Variants in FAF2 observed in about 807,000 individuals in gnomAD.
FAF2 encodes the protein Fas associated factor family member 2.
FAF2 carries 9 observed loss-of-function variants against 62.3 expected under a neutral mutation model. The ratio of observed to expected loss-of-function variants is 0.14; its 90% CI spans 0.09 to 0.25. The LOEUF (loss-of-function observed/expected upper bound fraction) is 0.25, where lower values mean the gene tolerates loss of function less well. FAF2 is among the 10% of genes least tolerant of loss of function. The pLI is 1.00. For missense variants in FAF2, 368 were observed against 556.2 expected (o/e 0.66, Z 3.40); for synonymous variants, 202 against 198.0 (o/e 1.02, Z -0.17).
intron 1 of FAF2, among the ~76,000 whole-genome samples, chr5:176,473,873 G>C (rs987561840): frequency 1.3e-5 from 2 of 152,126 alleles, no homozygotes; most frequent in Non-Finnish European, 2.9e-5. Flanking sequence ...CAAAGTGTTA[G>C]GATTACAGGC....
intron 1 of FAF2, among the ~76,000 whole-genome samples, chr5:176,473,502 T>A (rs1758610035): frequency 6.6e-6 from 1 of 152,066 alleles, no homozygotes; most frequent in African/African-American, 2.4e-5. Flanking sequence ...CCACTGTTAA[T>A]CCCCCTGCCC....
rs1397521673 is a variant in FAF2, at chr5:176,451,716, G to A, written c.63+3246G>A. On this transcript the variant is annotated intron_variant, in intron 1 of 10. Coordinates refer to ENST00000261942, the MANE Select transcript of FAF2 (RefSeq NM_014613.3). ...GTACACACATGAATAATGGGTATGCGATATATATAGATATATATATATGTG... is the reference window on the plus strand; with the variant it reads ...GTACACACATGAATAATGGGTATGCAATATATATAGATATATATATATGTG... Among the ~76,000 whole-genome samples the A allele has an allele frequency of 2.2e-4, 30 of 134,446 alleles. 1 individual carries two copies. In the Admixed American group the frequency reaches 2.3e-3, roughly 10 times the overall value. The allele number at this position is 134,446 out of a possible 152,430, so 88.2% of individuals were successfully genotyped here. A position where few individuals can be genotyped will look rare whatever the true frequency, so the allele number is the denominator to read the frequency against.
intron 4 of FAF2, among the ~76,000 whole-genome samples, chr5:176,491,701 C>G (rs556680498): frequency 2.0e-4 from 30 of 152,150 alleles, no homozygotes; most frequent in Non-Finnish European, 4.0e-4. Context: ...AGTATGAAAG[C>G]CATTAAACAC....
chr5:176,457,410 C>T (rs532712756), intron 1 of FAF2, among the ~76,000 whole-genome samples: 2 of 152,042 alleles, frequency 1.3e-5, no homozygotes, highest in South Asian at 2.1e-4. Flanking sequence ...AGGCTGGTCT[C>T]GAACTCTTGA....
intron 1 of FAF2, among the ~76,000 whole-genome samples, chr5:176,454,577 G>GAAAAAAAAAAAAA (rs56324116): frequency 5.2e-5 from 5 of 95,300 alleles, no homozygotes; most frequent in Non-Finnish European, 8.1e-5. Flanking sequence ...GATTCTGTCT[G>GAAAAAAAAAAAAA]AAAAAAAAAA....
intron 7 of FAF2, 134 bp from the exon 8 acceptor site, chr5:176,496,352 C>T (rs1755482914): frequency 3.2e-6 from 2 of 630,678 alleles, no homozygotes; most frequent in Non-Finnish European, 5.0e-6. Flanking sequence ...GGGGAAAAAG[C>T]GGAGACTAAA....
intron 10 of FAF2, among the ~76,000 whole-genome samples, chr5:176,505,692 A>T (rs143311027): frequency 1.3e-5 from 2 of 152,170 alleles, no homozygotes; most frequent in African/African-American, 2.4e-5. Flanking sequence ...TAGCTCCCAC[A>T]TATCAGTGAG....
At chr5:176,461,972 G>T (rs190961950) in intron 1 of FAF2, among the ~76,000 whole-genome samples, 2 of 152,182 alleles carry the variant, frequency 1.3e-5, no homozygotes, top group East Asian at 1.9e-4. Context: ...CTTTACAGGG[G>T]TGTTAGAAGT....
At position 176,460,278 on chromosome 5, in the gene FAF2, C is replaced by G. The variant is rs138803607; in HGVS notation, c.63+11808C>G. Among the ~76,000 whole-genome samples, 618 of 152,104 alleles carry G rather than the reference C, an allele frequency of 4.1e-3. 7 individuals are homozygous for G. Among genetic ancestry groups the G allele is most frequent in the African/African-American group, 0.014 (594 of 41,510 alleles). On this transcript the variant is annotated intron_variant, in intron 1 of 10. Transcript: ENST00000261942. Reference sequence around the variant, plus strand: ...GGGATTGTTGGGTCAATTGATAGTTCTGGTTTTTTTCTTAAGTTCTTTGAG... The same window carrying G: ...GGGATTGTTGGGTCAATTGATAGTTGTGGTTTTTTTCTTAAGTTCTTTGAG...
chr5:176,471,375 C>CTTTTTTT (rs138149987), intron 1 of FAF2, among the ~76,000 whole-genome samples: 2 of 97,624 alleles, frequency 2.0e-5, no homozygotes, highest in Non-Finnish European at 3.9e-5. Flanking sequence ...TCTGTACATT[C>CTTTTTTT]TTTTTTTTTT....
At chr5:176,486,277 C>A in intron 2 of FAF2, 78 bp from the exon 3 acceptor site, 1 of 1,569,152 alleles carries the variant, frequency 6.4e-7, no homozygotes, top group Non-Finnish European at 8.7e-7. Context: ...TGGAATACCA[C>A]GCAATAGTTG....
At chr5:176,498,004 G>T (rs1350387646) in intron 8 of FAF2, among the ~76,000 whole-genome samples, 1 of 152,112 alleles carries the variant, frequency 6.6e-6, no homozygotes, top group East Asian at 1.9e-4. Flanking sequence ...ACAAAAATTA[G>T]CTAGGCGTGG....
At chr5:176,502,442 T>C (rs1485970679) in intron 10 of FAF2, among the ~76,000 whole-genome samples, 1 of 151,870 alleles carries the variant, frequency 6.6e-6, no homozygotes, top group African/African-American at 2.4e-5. Flanking sequence ...TAGCTGGGTG[T>C]GGTGGCATGT....
chr5:176,468,829 A>G (rs1416968077), intron 1 of FAF2, among the ~76,000 whole-genome samples: 1 of 151,996 alleles, frequency 6.6e-6, no homozygotes, highest in African/African-American at 2.4e-5. Flanking sequence ...CTGTAGTCCT[A>G]GCTACTTGGG....
Position 176,500,122 on chromosome 5 carries a change from A to G in FAF2, c.1131A>G (p.Arg377=), listed in dbSNP as rs376724942. ...KLPNDSRVER[R]FHFSQSLTVI... ...CTAATGATTCTCGAGTAGAGAGACG[A>G]TTCCACTTTTCACAGTCTCTAACAG... is the stretch of plus-strand genomic sequence containing the variant. Residue 377 remains arginine, a synonymous_variant, in exon 10 of 11, where the codon CGA becomes CGG. Coordinates refer to ENST00000261942, the MANE Select transcript of FAF2 (RefSeq NM_014613.3). The G allele has an allele frequency of 7.9e-5, 128 of 1,614,042 alleles. No individual in the cohort carries two copies. The highest frequency in any genetic ancestry group is 1.6e-4 in the Middle Eastern group (1 of 6,084).
At chr5:176,458,281 C>T (rs1758311841) in intron 1 of FAF2, among the ~76,000 whole-genome samples, 1 of 151,688 alleles carries the variant, frequency 6.6e-6, no homozygotes, top group Admixed American at 6.6e-5. Context: ...GGGGTTTCGC[C>T]ATGTTGGCCA....
intron 9 of FAF2, among the ~76,000 whole-genome samples, chr5:176,499,407 G>A (rs113489470): frequency 7.2e-5 from 11 of 152,218 alleles, no homozygotes; most frequent in South Asian, 4.1e-4. Context: ...GATTACAGGC[G>A]TGAGCCACCA....
intron 9 of FAF2, among the ~76,000 whole-genome samples, chr5:176,499,422 T>G (rs2113746153): frequency 6.6e-6 from 1 of 152,308 alleles, no homozygotes; most frequent in South Asian, 2.1e-4. Context: ...CCACCATGCC[T>G]GGCCCTAAAT....
At position 176,448,392 on chromosome 5, in the gene FAF2, T is replaced by A. The variant is rs748934029; in HGVS notation, c.-16T>A. ...TGACGGTGCGGACGGGTCAGGAGCG[T>A]AGAGGCGGCGGCAAAATGGCGGCGC... is the stretch of plus-strand genomic sequence containing the variant. On this transcript the variant is annotated 5_prime_UTR_variant, in exon 1 of 11. Coordinates refer to ENST00000261942, the MANE Select transcript of FAF2 (RefSeq NM_014613.3). The A allele has an allele frequency of 4.3e-5, 69 of 1,601,674 alleles. No individual in the cohort carries two copies. The highest frequency in any genetic ancestry group is 5.4e-5 in the Non-Finnish European group (63 of 1,174,744).
Sources: gnomAD v4.1 joint callset for allele counts (sites outside exome capture counted in the v4.1 genomes callset) on GRCh38, gnomAD v4.1.1 for gene constraint, MANE v1.5 for transcripts, NCBI Gene and HGNC (gene_info 2026-07-23, HGNC 2026-07-21) for gene names.